The following TRDN variants were observed in gnomAD, a reference collection of about 807,000 sequenced individuals.
TRDN encodes the protein triadin, also known as triadin in skeletal muscle.
TRDN carries 161 observed loss-of-function variants against 149.7 expected under a neutral mutation model. That is an observed-to-expected ratio of 1.08 (90% CI 0.95 to 1.23). The LOEUF (loss-of-function observed/expected upper bound fraction) is 1.23. TRDN is among the 50% of genes most tolerant of loss of function. The pLI is 0.00. For missense variants in TRDN, 896 were observed against 823.5 expected, an observed-to-expected ratio of 1.09 and a Z score of -1.08; for synonymous variants, 294 against 250.5, an observed-to-expected ratio of 1.17 and a Z score of -1.64.
At chr6:123,446,584 C>CAAAAAAAAAAAAAAAAAAAAAAAA (rs572029827) in intron 10 of TRDN, among the ~76,000 whole-genome samples, 1 of 61,090 alleles carries the variant, frequency 1.6e-5, no homozygotes, top group Non-Finnish European at 3.0e-5. Flanking sequence ...GATTCCATCT[C>CAAAAAAAAAAAAAAAAAAAAAAAA]AAAAAAAAAA....
intron 23 of TRDN, among the ~76,000 whole-genome samples, chr6:123,319,390 A>G (rs1410197813): frequency 6.6e-6 from 1 of 152,010 alleles, no homozygotes; most frequent in East Asian, 1.9e-4. Flanking sequence ...TACTGACAGT[A>G]AAGTATTTTT....
intron 20 of TRDN, among the ~76,000 whole-genome samples, chr6:123,357,139 C>A (rs886772980): frequency 1.3e-5 from 2 of 151,820 alleles, no homozygotes; most frequent in Non-Finnish European, 2.9e-5. Context: ...ATTAGATCTC[C>A]AAAATCCCAC....
At chr6:123,317,614 C>T (rs1779074423) in intron 23 of TRDN, among the ~76,000 whole-genome samples, 1 of 151,924 alleles carries the variant, frequency 6.6e-6, no homozygotes, top group Non-Finnish European at 1.5e-5. Flanking sequence ...GACACATTCA[C>T]TTAGCTTGGT....
intron 24 of TRDN, among the ~76,000 whole-genome samples, chr6:123,283,375 C>T (rs764576812): frequency 8.9e-4 from 135 of 151,654 alleles, no homozygotes; most frequent in Admixed American, 4.2e-3. Context: ...TAAAAGAGCA[C>T]AAATAGACAA....
chr6:123,338,251 A>T (rs879472215), intron 21 of TRDN, among the ~76,000 whole-genome samples: 104 of 152,260 alleles, frequency 6.8e-4, no homozygotes, highest in Admixed American at 4.6e-3. Flanking sequence ...AATTAGACCC[A>T]CAAACATGAA....
At chr6:123,570,869 T>C (rs1782538155) in intron 2 of TRDN, 54 bp downstream of exon 2, 1 of 1,553,184 alleles carries the variant, frequency 6.4e-7, no homozygotes, top group East Asian at 2.3e-5. Flanking sequence ...GGGGACACTG[T>C]TTCTTTCCAT....
At chr6:123,550,854 T>C (rs1173687113) in intron 2 of TRDN, among the ~76,000 whole-genome samples, 2 of 152,016 alleles carry the variant, frequency 1.3e-5, no homozygotes, top group African/African-American at 4.8e-5. Flanking sequence ...CCCATTTTAC[T>C]ACACTCCAGA....
At chr6:123,584,459 C>G (rs959670356) in intron 1 of TRDN, among the ~76,000 whole-genome samples, 1 of 151,970 alleles carries the variant, frequency 6.6e-6, no homozygotes, top group Non-Finnish European at 1.5e-5. Context: ...GGTCCTGGCT[C>G]TTGTGTAAGA....
intron 22 of TRDN, among the ~76,000 whole-genome samples, chr6:123,334,706 T>C (rs1274167222): frequency 6.6e-6 from 1 of 152,000 alleles, no homozygotes; most frequent in Non-Finnish European, 1.5e-5. Context: ...TCTCCTGATT[T>C]TTTTTTTCTT....
At chr6:123,435,383 C>A (rs1230487122) in intron 12 of TRDN, among the ~76,000 whole-genome samples, 1 of 151,964 alleles carries the variant, frequency 6.6e-6, no homozygotes, top group African/African-American at 2.4e-5. Context: ...TCATAATAAG[C>A]TTGAAACCTG....
At chr6:123,302,364 A>G (rs969885406) in intron 24 of TRDN, among the ~76,000 whole-genome samples, 1 of 152,028 alleles carries the variant, frequency 6.6e-6, no homozygotes, top group African/African-American at 2.4e-5. Flanking sequence ...GGGTTTATTT[A>G]TTTCTTTTAA....
intron 2 of TRDN, among the ~76,000 whole-genome samples, chr6:123,570,383 T>C (rs1462045743): frequency 6.6e-6 from 1 of 152,074 alleles, no homozygotes; most frequent in Non-Finnish European, 1.5e-5. Context: ...AATGAACAAT[T>C]ATATGTAATT....
chr6:123,418,499 T>TA (rs1773749960), intron 12 of TRDN: 1 of 152,160 alleles, frequency 6.6e-6, no homozygotes, highest in South Asian at 2.1e-4. Flanking sequence ...CCATACAACA[T>TA]ACTTTCATCC....
chr6:123,534,380 G>A (rs922574737), intron 4 of TRDN, among the ~76,000 whole-genome samples: 10 of 152,244 alleles, frequency 6.6e-5, no homozygotes, highest in South Asian at 2.1e-4. Context: ...GCAACTTTGC[G>A]TTCTCTTTGG....
At chr6:123,449,137 C>T (rs566396891) in intron 10 of TRDN, among the ~76,000 whole-genome samples, 6 of 152,196 alleles carry the variant, frequency 3.9e-5, no homozygotes, top group East Asian at 1.9e-4. Context: ...AGAAAACCAA[C>T]GCTGGTAATA....
intron 38 of TRDN, among the ~76,000 whole-genome samples, chr6:123,224,457 A>T (rs1562217981): frequency 6.6e-6 from 1 of 151,714 alleles, no homozygotes; most frequent in Non-Finnish European, 1.5e-5. Flanking sequence ...AATCATAATC[A>T]TTTATAGAAT....
intron 1 of TRDN, among the ~76,000 whole-genome samples, chr6:123,607,728 G>A (rs1280151995): frequency 2.6e-5 from 4 of 151,922 alleles, no homozygotes; most frequent in Admixed American, 6.6e-5. Flanking sequence ...ACTTTCATTT[G>A]TAAGGAAAAT....
chr6:123,525,738 C>T (rs1177643814), intron 5 of TRDN, among the ~76,000 whole-genome samples: 1 of 151,908 alleles, frequency 6.6e-6, no homozygotes, highest in East Asian at 1.9e-4. Flanking sequence ...AATTATCAGT[C>T]CCTCTAAACT....
At chr6:123,555,508 A>G (rs1028323307) in intron 2 of TRDN, among the ~76,000 whole-genome samples, 5 of 152,080 alleles carry the variant, frequency 3.3e-5, no homozygotes, top group Non-Finnish European at 7.4e-5. Context: ...CTGGAATTAC[A>G]TATTTTCTTA....
Sources: gnomAD v4.1 joint callset for allele counts (sites outside exome capture counted in the v4.1 genomes callset) on GRCh38, gnomAD v4.1.1 for gene constraint, MANE v1.5 for transcripts, NCBI Gene and HGNC (gene_info 2026-07-23, HGNC 2026-07-21) for gene names.